MTSS1: variants seen among roughly 807,000 people sequenced by gnomAD.
The protein encoded by MTSS1 is protein MTSS 1.
A neutral mutation model predicts 79.0 loss-of-function variants in MTSS1; 18 were observed. The observed-to-expected ratio is 0.23, with a 90% CI of 0.16 to 0.34. The LOEUF is 0.34. MTSS1 is among the 10% of genes least tolerant of loss of function. The pLI is 1.00. For synonymous variants in MTSS1, 341 were observed against 368.6 expected, an observed-to-expected ratio of 0.93 and a Z score of 0.86; for missense variants, 815 against 986.2, an observed-to-expected ratio of 0.83 and a Z score of 2.33.
chr8:124,703,732 C>T (rs530067265), intron 2 of MTSS1, among the ~76,000 whole-genome samples: 59 of 152,314 alleles, frequency 3.9e-4, no homozygotes, highest in Admixed American at 9.8e-4. Flanking sequence ...TATTTAACTT[C>T]GCTGTGCCTC....
At chr8:124,674,375 C>T (rs765637442) in intron 3 of MTSS1, among the ~76,000 whole-genome samples, 2 of 152,176 alleles carry the variant, frequency 1.3e-5, no homozygotes, top group Non-Finnish European at 2.9e-5. Flanking sequence ...ATCAGCGTCA[C>T]TATATATGGT....
In MTSS1 at chr8:124,565,671, C is replaced by A; in HGVS notation, c.815G>T (p.Ser272Ile). The A allele has an allele frequency of 6.2e-7, 1 of 1,613,982 alleles. No individual in the cohort carries two copies. Among genetic ancestry groups the A allele is most frequent in the Non-Finnish European group, 8.5e-7 (1 of 1,179,848 alleles). ...SPSTTMSRKSSVCSSLNSVNS... is the reference protein window; with the variant it reads ...SPSTTMSRKSIVCSSLNSVNS... ...CCCCGGCTTCACTCACCTGCAGACACTGGACTTTCTGGACATGGTGGTGCT... is the reference window on the plus strand; with the variant it reads ...CCCCGGCTTCACTCACCTGCAGACAATGGACTTTCTGGACATGGTGGTGCT... Residue 272 changes from serine (S) to isoleucine (I), a missense_variant, in exon 9 of 14, where the codon AGT becomes ATT. Physicochemically the swap from Ser to Ile is moderately radical, Grantham distance 142 (BLOSUM62 -2). Transcript: ENST00000518547.
At chr8:124,702,338 G>C (rs1230342665) in intron 2 of MTSS1, among the ~76,000 whole-genome samples, 1 of 152,182 alleles carries the variant, frequency 6.6e-6, no homozygotes. Context: ...AATAAGGTGA[G>C]GCTGGTGAAG....
At chr8:124,719,577 C>T (rs1259738415) in intron 1 of MTSS1, among the ~76,000 whole-genome samples, 1 of 152,164 alleles carries the variant, frequency 6.6e-6, no homozygotes, top group Non-Finnish European at 1.5e-5. Flanking sequence ...AGGTGTTCCT[C>T]CACCCCCCAG....
chr8:124,560,192 C>CTA (rs1554635736), intron 10 of MTSS1, among the ~76,000 whole-genome samples: 9 of 152,012 alleles, frequency 5.9e-5, no homozygotes, highest in Non-Finnish European at 1.2e-4. Context: ...AGTCGAGAAA[C>CTA]TGAACTTAAA....
chr8:124,705,442 G>C (rs1267268855), intron 1 of MTSS1, among the ~76,000 whole-genome samples: 1 of 152,146 alleles, frequency 6.6e-6, no homozygotes, highest in African/African-American at 2.4e-5. Flanking sequence ...CTGCACTCCA[G>C]ACTGGGCAAC....
intron 3 of MTSS1, among the ~76,000 whole-genome samples, chr8:124,691,919 TATG>T (rs1299601155): frequency 9.2e-5 from 14 of 152,202 alleles, no homozygotes; most frequent in Non-Finnish European, 2.1e-4. Flanking sequence ...GGGCCTTTTA[TATG>T]ATGTTTTTAA....
rs1311277809 is a variant in MTSS1, at chr8:124,728,222, G to C, written c.-267C>G. 5.9e-6 allele frequency: 2 copies of C among 340,240 alleles called. No individual in the cohort carries two copies. Among genetic ancestry groups the C allele is most frequent in the African/African-American group, 4.3e-5 (2 of 46,594 alleles). 21.1% of individuals were successfully genotyped at this position (340,240 alleles called of 1,614,324 possible). ...GCCTTAAAAATGCCGGGAGAAGACT[G>C]ACAATCAGGCCACCACTGGTGCCCA... On this transcript the variant is annotated 5_prime_UTR_variant, in exon 1 of 14. Transcript: ENST00000518547. This position sits in a 1 kb window ranked among gnomAD's most constrained non-coding sequence, Gnocchi z 6.1.
intron 3 of MTSS1, among the ~76,000 whole-genome samples, chr8:124,615,131 C>T (rs1836604348): frequency 6.6e-6 from 1 of 152,124 alleles, no homozygotes; most frequent in Non-Finnish European, 1.5e-5. Flanking sequence ...TCTAAGGAGT[C>T]CAGTGTGGCC....
chr8:124,620,189 G>C (rs943646370), intron 3 of MTSS1, among the ~76,000 whole-genome samples: 1 of 151,978 alleles, frequency 6.6e-6, no homozygotes, highest in Non-Finnish European at 1.5e-5. Context: ...CAGGTGACCC[G>C]CCCGCCTCAG....
chr8:124,671,886 T>G (rs1396907015), intron 3 of MTSS1, among the ~76,000 whole-genome samples: 2 of 152,214 alleles, frequency 1.3e-5, no homozygotes, highest in South Asian at 2.1e-4. Context: ...ATACTATTTG[T>G]GCAGGCAAGG....
At chr8:124,560,131 A>G (rs566988762) in intron 10 of MTSS1, among the ~76,000 whole-genome samples, 2 of 152,356 alleles carry the variant, frequency 1.3e-5, no homozygotes, top group Admixed American at 6.5e-5. Context: ...TTAGCAGCCC[A>G]GGATTTGAAG....
intron 6 of MTSS1, chr8:124,568,791 ACT>A: frequency 6.9e-7 from 1 of 1,448,020 alleles, no homozygotes; most frequent in Non-Finnish European, 9.0e-7. Flanking sequence ...ACTCTTCATG[ACT>A]TGCCTTCTCA....
intron 3 of MTSS1, among the ~76,000 whole-genome samples, chr8:124,649,405 G>A (rs975676584): frequency 2.6e-5 from 4 of 152,182 alleles, no homozygotes; most frequent in African/African-American, 4.8e-5. Context: ...ACAGAGCAGC[G>A]ATGGAGTCGG....
At chr8:124,638,336 T>A (rs1817405343) in intron 3 of MTSS1, among the ~76,000 whole-genome samples, 1 of 152,200 alleles carries the variant, frequency 6.6e-6, no homozygotes, top group Non-Finnish European at 1.5e-5. Flanking sequence ...GCTAAGAAGG[T>A]ACACATCAGT....
At chr8:124,639,925 C>T (rs898117190) in intron 3 of MTSS1, among the ~76,000 whole-genome samples, 4 of 141,360 alleles carry the variant, frequency 2.8e-5, no homozygotes, top group Admixed American at 8.1e-5. Flanking sequence ...CAGTTTATGA[C>T]ATTTGGCTGA....
chr8:124,664,304 G>A (rs762863735), intron 3 of MTSS1, among the ~76,000 whole-genome samples: 2 of 152,148 alleles, frequency 1.3e-5, no homozygotes, highest in Non-Finnish European at 2.9e-5. Context: ...CACAGGCGTG[G>A]CTATCTCCTT....
intron 3 of MTSS1, among the ~76,000 whole-genome samples, chr8:124,688,676 C>T (rs1042573342): frequency 3.3e-5 from 5 of 152,138 alleles, no homozygotes; most frequent in African/African-American, 1.2e-4. Context: ...TGTCTGTAAA[C>T]AATCACCGGC....
At chr8:124,580,999 G>A (rs1326119982) in intron 6 of MTSS1, among the ~76,000 whole-genome samples, 1 of 152,200 alleles carries the variant, frequency 6.6e-6, no homozygotes, top group Admixed American at 6.5e-5. Flanking sequence ...GTTTAAAATT[G>A]TAGTATAACA....
Sources: gnomAD v4.1 joint callset for allele counts (sites outside exome capture counted in the v4.1 genomes callset) on GRCh38, gnomAD v4.1.1 for gene constraint, Gnocchi (gnomAD v3.1) non-coding constraint, MANE v1.5 for transcripts, NCBI Gene and HGNC (gene_info 2026-07-23, HGNC 2026-07-21) for gene names.